The following IKBKB variants were observed in gnomAD, a reference collection of about 807,000 sequenced individuals.
The protein encoded by IKBKB is inhibitor of nuclear factor kappa B kinase subunit beta.
IKBKB carries 42 observed loss-of-function variants against 113.6 expected under a neutral mutation model. The observed-to-expected ratio is 0.37, with a 90% confidence interval of 0.29 to 0.48. IKBKB has a LOEUF of 0.48. Among genes scored for constraint, IKBKB ranks in the 20% least tolerant of loss-of-function variants. The pLI, the probability that IKBKB is intolerant of heterozygous loss-of-function variation, is 0.99. For synonymous variants in IKBKB, 296 were observed against 361.3 expected, an observed-to-expected ratio of 0.82 and a Z score of 2.05; for missense variants, 673 against 939.7, an observed-to-expected ratio of 0.72 and a Z score of 3.71.
In IKBKB at chr8:42,305,170, AC is replaced by A. The variant is rs753342277; in HGVS notation, c.389-11del. 9.4e-6 allele frequency: 15 copies of A among 1,591,108 alleles called. No homozygotes were observed. Among genetic ancestry groups the A allele is most frequent in the Non-Finnish European group, 1.3e-5 (15 of 1,159,604 alleles). On this transcript the variant is annotated splice_polypyrimidine_tract_variant and intron_variant, in intron 5 of 21. Coordinates refer to ENST00000520810, the MANE Select transcript of IKBKB (RefSeq NM_001556.3). Reference sequence around the variant, plus strand: ...CATTTTTTAGGCCTAAGAAAAACTCACCCCCCTCTTCCTCAGCCTCTGCGCT... The same window carrying A: ...CATTTTTTAGGCCTAAGAAAAACTCACCCCCTCTTCCTCAGCCTCTGCGCT...
At chr8:42,295,441 C>T (rs1261005658) in intron 5 of IKBKB, among the ~76,000 whole-genome samples, 7 of 152,202 alleles carry the variant, frequency 4.6e-5, no homozygotes, top group African/African-American at 9.6e-5. Flanking sequence ...ATTATTGGCA[C>T]AAGTGCCGGG....
At chr8:42,284,563 C>G (rs954620105) in intron 2 of IKBKB, among the ~76,000 whole-genome samples, 1 of 141,810 alleles carries the variant, frequency 7.1e-6, no homozygotes, top group Admixed American at 7.3e-5. Flanking sequence ...GCCTGGGCAA[C>G]AAAGCGAGAC....
Position 42,316,920 on chromosome 8 carries a change from G to A in IKBKB, c.1125+16G>A, listed in dbSNP as rs17875713. 8.7e-6 allele frequency: 14 copies of A among 1,610,850 alleles called. No individual in the cohort carries two copies. Among genetic ancestry groups the A allele is most frequent in the East Asian group, 2.2e-5 (1 of 44,836 alleles). On this transcript the variant is annotated intron_variant, in intron 11 of 21. Coordinates refer to ENST00000520810, the MANE Select transcript of IKBKB (RefSeq NM_001556.3). The surrounding 1 kb of genome is among the most constrained non-coding windows in gnomAD (Gnocchi z 4.5). ...AGACGGCAAGGTGAGCCCTGGCTTC[G>A]TACACACCATCCTGTTTACCTTGGC...
rs41315631 is a variant in IKBKB at position 42,325,240 on chromosome 8, A to T, written c.1987-730A>T. ...CTTGACCCTTCGGGCTGGGAGGGGC[A>T]GTGGCTGCAGCCCCTTGGGAGTCAG... is the stretch of plus-strand genomic sequence containing the variant. On this transcript the variant is annotated intron_variant, in intron 19 of 21. Transcript: ENST00000520810. The T allele has an allele frequency of 5.1e-4, 500 of 985,672 alleles. 2 individuals carry two copies. Among genetic ancestry groups the T allele is most frequent in the Non-Finnish European group, 5.9e-4 (491 of 830,114 alleles). The allele number at this position is 985,672 out of a possible 1,614,324, so 61.1% of individuals were successfully genotyped here.
In IKBKB at chr8:42,316,775, T is replaced by A; in HGVS notation, c.996T>A (p.Ser332Arg). The change falls in exon 11 of 22, where the codon AGT becomes AGA. Residue 332 changes from serine (S) to arginine (R), a missense_variant. Physicochemically the swap from Ser to Arg is moderately radical, Grantham distance 110. Coordinates refer to ENST00000520810, the MANE Select transcript of IKBKB (RefSeq NM_001556.3). The surrounding 1 kb of genome is among the most constrained non-coding windows in gnomAD (Gnocchi z 4.5). ...CCTACCCTGTGACAGAGGATGAGAG[T>A]CTGCAGAGCTTGAAGGCCAGAATCC... ...IHTYPVTEDESLQSLKARIQQ... is the reference protein window; with the variant it reads ...IHTYPVTEDERLQSLKARIQQ... 1.2e-6 allele frequency: 2 copies of A among 1,613,760 alleles called. No individual in the cohort carries two copies. The highest frequency in any genetic ancestry group is 1.7e-6 in the Non-Finnish European group (2 of 1,179,924).
chr8:42,308,750 A>G, intron 7 of IKBKB, 151 bp from the exon 8 acceptor site: 1 of 679,190 alleles, frequency 1.5e-6, no homozygotes, highest in Non-Finnish European at 2.6e-6. Flanking sequence ...TACCCGCTAA[A>G]CATGCCTGGG....
chr8:42,300,982 G>A (rs530135121), intron 5 of IKBKB, among the ~76,000 whole-genome samples: 7 of 152,270 alleles, frequency 4.6e-5, no homozygotes, highest in African/African-American at 1.7e-4. Flanking sequence ...AGTCTCCCAC[G>A]TAGCTGGGAT....
chr8:42,330,258 C>T, intron 21 of IKBKB: 4 of 984,644 alleles, frequency 4.1e-6, no homozygotes, highest in Non-Finnish European at 4.8e-6. Flanking sequence ...AAGAAAAGAT[C>T]CTGTACAGTT....
intron 19 of IKBKB, 84 bp downstream of exon 19, chr8:42,322,578 G>A (rs925492204): frequency 7.7e-6 from 11 of 1,430,268 alleles, no homozygotes; most frequent in Non-Finnish European, 1.1e-5. Flanking sequence ...CATCCCACAC[G>A]GGACACCACA....
At position 42,320,833 on chromosome 8, in the gene IKBKB, G is replaced by T. The variant is rs143855451; in HGVS notation, c.1677G>T (p.Thr559=). 1.3e-3 allele frequency: 2,039 copies of T among 1,592,140 alleles called. 2 individuals carry two copies. Among genetic ancestry groups the T allele is most frequent in the Non-Finnish European group, 1.5e-3 (1,712 of 1,168,738 alleles). Residue 559 remains threonine (T), a synonymous_variant, in exon 16 of 22, where the codon ACG becomes ACT. Transcript: ENST00000520810. ...CCATGGGCCGGAAGCAGGGGGGAAC[G>T]CTGGACGACCTGTGAGTACTGGCTG... The part of the protein sequence containing the change: ...RSPMGRKQGG[T]LDDLEEQARE...
chr8:42,306,197 G>A (rs1816491934), intron 6 of IKBKB, 146 bp from the exon 7 acceptor site: 1 of 579,232 alleles, frequency 1.7e-6, no homozygotes, highest in East Asian at 3.1e-5. Context: ...GCATTCTTTT[G>A]TGTATCTGGT....
chr8:42,322,552 C>T (rs947547059), intron 19 of IKBKB, 58 bp downstream of exon 19: 2 of 1,572,686 alleles, frequency 1.3e-6, no homozygotes, highest in Admixed American at 3.4e-5. Context: ...GCCTTTCCAC[C>T]TCTGTGCACT....
At chr8:42,289,351 G>T (rs1370923776) in intron 3 of IKBKB, among the ~76,000 whole-genome samples, 1 of 152,234 alleles carries the variant, frequency 6.6e-6, no homozygotes, top group Non-Finnish European at 1.5e-5. Context: ...GTCAAGGGCT[G>T]TTCATCAATT....
chr8:42,271,442 G>GC lies in IKBKB; in HGVS notation c.-41dup. The GC allele has an allele frequency of 3.4e-6, 3 of 889,998 alleles. No individual in the cohort carries two copies. Among genetic ancestry groups the GC allele is most frequent in the Non-Finnish European group, 3.2e-6 (2 of 624,948 alleles). 55.1% of individuals were successfully genotyped at this position (889,998 alleles called of 1,614,324 possible). A position where few individuals can be genotyped will look rare whatever the true frequency, so the allele number is the denominator to read the frequency against. Reference sequence around the variant, plus strand: ...CCGCCTTCCCCGCCCCGGGGAGCCCGCCCCCTGCCCCGCGTCCCTGCCGAC... The same window carrying GC: ...CCGCCTTCCCCGCCCCGGGGAGCCCGCCCCCCTGCCCCGCGTCCCTGCCGAC... On this transcript the variant is annotated 5_prime_UTR_variant, in exon 1 of 22. It removes the in-frame stop codon of an upstream open reading frame in the 5' UTR. Coordinates refer to ENST00000520810, the MANE Select transcript of IKBKB (RefSeq NM_001556.3).
intron 3 of IKBKB, 135 bp from the exon 4 acceptor site, chr8:42,290,021 C>T (rs545752276): frequency 3.3e-5 from 21 of 632,026 alleles, no homozygotes; most frequent in Non-Finnish European, 5.0e-5. Context: ...GTTGGCCACC[C>T]GTCCTGGGCT....
chr8:42,305,270 C>T lies in IKBKB; in HGVS notation c.472C>T (p.Gln158Ter). The change falls in exon 6 of 22, where the codon CAG becomes TAG. Residue 158 changes from glutamine (Q) to a stop codon, truncating the protein, a stop_gained. Transcript: ENST00000520810. LOFTEE classifies it high-confidence loss of function. ...AAACATCGTCCTGCAGCAAGGAGAACAGAGGGTAAGTGACCTCCTGGGACT... is the reference window on the plus strand; with the variant it reads ...AAACATCGTCCTGCAGCAAGGAGAATAGAGGGTAAGTGACCTCCTGGGACT... ...PENIVLQQGE[Q>*]RLIHKIIDLG... The T allele has an allele frequency of 6.2e-7, 1 of 1,609,918 alleles. No homozygotes were observed. The highest frequency in any genetic ancestry group is 8.5e-7 in the Non-Finnish European group (1 of 1,176,348).
intron 5 of IKBKB, among the ~76,000 whole-genome samples, chr8:42,301,522 A>G (rs1815206280): frequency 6.6e-6 from 1 of 152,248 alleles, no homozygotes; most frequent in South Asian, 2.1e-4. Context: ...GGTACATTTA[A>G]GAGGACTTGC....
In IKBKB at chr8:42,271,478, C is replaced by G. The variant is rs997726558; in HGVS notation, c.-19+9C>G. On this transcript the variant is annotated intron_variant, in intron 1 of 21. Transcript: ENST00000520810. The stretch of plus-strand genomic sequence containing the variant: ...CGCGTCCCTGCCGACAGGTGAGTCC[C>G]CCTCGTGGGTGCGGCCCGGGTGCCA... The G allele has an allele frequency of 2.6e-6, 3 of 1,168,254 alleles. No individual in the cohort carries two copies. The highest frequency in any genetic ancestry group is 2.2e-5 in the Admixed American group (1 of 45,494). 72.4% of individuals were successfully genotyped at this position (1,168,254 alleles called of 1,614,324 possible).
chr8:42,303,568 G>C (rs987984215), intron 5 of IKBKB, among the ~76,000 whole-genome samples: 1 of 151,490 alleles, frequency 6.6e-6, no homozygotes, highest in South Asian at 2.1e-4. Context: ...CAGTGGCCAT[G>C]ATCTCGGCTC....
Sources: allele counts gnomAD v4.1 joint callset (sites outside exome capture counted in the v4.1 genomes callset), GRCh38; gene constraint gnomAD v4.1.1; non-coding constraint Gnocchi (gnomAD v3.1); transcripts MANE v1.5; gene names NCBI Gene and HGNC (gene_info 2026-07-23, HGNC 2026-07-21).